Variants in PACS1 observed in about 807,000 individuals in gnomAD.
The protein encoded by PACS1 is PACS-1.
Under a neutral mutation model 115.0 loss-of-function variants are expected in PACS1, and 24 were observed. The observed-to-expected ratio is 0.21, with a 90% CI of 0.15 to 0.29. The LOEUF (loss-of-function observed/expected upper bound fraction) is 0.29. Ranked by LOEUF, PACS1 falls within the 10% of genes least tolerant of loss-of-function variation. The pLI, the probability that PACS1 is intolerant of heterozygous loss-of-function variation, is 1.00. For synonymous variants in PACS1, 453 were observed against 504.5 expected, an observed-to-expected ratio of 0.90 and a Z score of 1.37; for missense variants, 838 against 1,251.2, an observed-to-expected ratio of 0.67 and a Z score of 4.98.
intron 1 of PACS1, among the ~76,000 whole-genome samples, chr11:66,091,885 T>G (rs1857673109): frequency 6.6e-6 from 1 of 151,952 alleles, no homozygotes; most frequent in Non-Finnish European, 1.5e-5. Flanking sequence ...TATTCCATGG[T>G]GTATATGTGC....
chr11:66,223,829 A>T (rs1855411693), intron 10 of PACS1, among the ~76,000 whole-genome samples: 1 of 152,164 alleles, frequency 6.6e-6, no homozygotes, highest in Non-Finnish European at 1.5e-5. Context: ...TTACAGAAAA[A>T]ATTACTTAGA....
At chr11:66,240,363 G>A (rs1250400381) in intron 21 of PACS1, among the ~76,000 whole-genome samples, 5 of 152,206 alleles carry the variant, frequency 3.3e-5, no homozygotes, top group Admixed American at 2.0e-4. Flanking sequence ...GAGAGCAGGC[G>A]TGGTCAGCGC....
intron 21 of PACS1, chr11:66,241,079 G>A (rs992506831): frequency 3.1e-5 from 5 of 161,684 alleles, no homozygotes; most frequent in South Asian, 1.7e-4. Context: ...GGGCGTGTAT[G>A]TGTGTGTGTG....
chr11:66,158,676 G>A (rs932378210), intron 1 of PACS1, among the ~76,000 whole-genome samples: 1 of 152,128 alleles, frequency 6.6e-6, no homozygotes, highest in Non-Finnish European at 1.5e-5. Context: ...ACTCCAACCT[G>A]GGTGGCAGAG....
In PACS1 at chr11:66,235,753, C is replaced by T; in HGVS notation, c.2208-145C>T. On this transcript the variant is annotated intron_variant, in intron 18 of 23. Coordinates refer to ENST00000320580, the MANE Select transcript of PACS1 (RefSeq NM_018026.4). The surrounding 1 kb of genome is among the most constrained non-coding windows in gnomAD (Gnocchi z 5.6). The stretch of plus-strand genomic sequence containing the variant: ...ATGCACAGCAAGTCCCAGACCTTCC[C>T]CATGCCACCCCAGGATGTGATGGGC... 1.3e-6 allele frequency: 1 copy of T among 776,772 alleles called. No individual in the cohort carries two copies. Among genetic ancestry groups the T allele is most frequent in the Non-Finnish European group, 2.3e-6 (1 of 428,648 alleles). 48.1% of individuals were successfully genotyped at this position (776,772 alleles called of 1,614,324 possible). A position where few individuals can be genotyped will look rare whatever the true frequency, so the allele number is the denominator to read the frequency against.
At chr11:66,093,558 G>T (rs1402468041) in intron 1 of PACS1, among the ~76,000 whole-genome samples, 1 of 144,500 alleles carries the variant, frequency 6.9e-6, no homozygotes, top group African/African-American at 2.6e-5. Flanking sequence ...AGTCCTGAGT[G>T]ACCTACAAAG....
At chr11:66,217,256 G>C (rs1855235220) in intron 7 of PACS1, 1 of 301,664 alleles carries the variant, frequency 3.3e-6, no homozygotes, top group Non-Finnish European at 6.5e-6. Flanking sequence ...TATCGTTCCT[G>C]CCTTAACGGA....
chr11:66,160,149 T>C (rs1859454501), intron 1 of PACS1, among the ~76,000 whole-genome samples: 1 of 152,322 alleles, frequency 6.6e-6, no homozygotes, highest in Admixed American at 6.5e-5. Flanking sequence ...ATTAGCGCAA[T>C]GTGACTGTAA....
intron 1 of PACS1, among the ~76,000 whole-genome samples, chr11:66,176,535 T>C (rs903086401): frequency 2.0e-5 from 3 of 151,830 alleles, no homozygotes; most frequent in Non-Finnish European, 4.4e-5. Context: ...TGCCTCAGCC[T>C]CCCGAATAGC....
intron 2 of PACS1, 34 bp from the exon 3 acceptor site, chr11:66,210,328 A>G: frequency 6.4e-7 from 1 of 1,555,900 alleles, no homozygotes. Flanking sequence ...AAGCCACTGC[A>G]CCTGGCCAAA....
intron 1 of PACS1, among the ~76,000 whole-genome samples, chr11:66,166,802 G>C (rs955678933): frequency 2.7e-5 from 4 of 150,266 alleles, no homozygotes; most frequent in African/African-American, 1.0e-4. Flanking sequence ...AATGGGCCAG[G>C]CAGTGTTCTC....
intron 1 of PACS1, among the ~76,000 whole-genome samples, chr11:66,101,841 C>A (rs141968847): frequency 6.6e-6 from 1 of 152,292 alleles, no homozygotes; most frequent in African/African-American, 2.4e-5. Flanking sequence ...AGCTCTGTCT[C>A]GCTTAGCATC....
chr11:66,095,141 CAG>C (rs1290695074), intron 1 of PACS1, among the ~76,000 whole-genome samples: 2 of 150,844 alleles, frequency 1.3e-5, no homozygotes, highest in African/African-American at 4.9e-5. Context: ...TGGCATAAGA[CAG>C]GGATGCCCTC....
chr11:66,235,268 T>G lies in PACS1; in HGVS notation c.2105-33T>G. ...CTGCAGGTTTGCCAGCTGAAGTCAGTAGGCAGTTAGTGATCTCTTGGCTTT... is the reference window on the plus strand; with the variant it reads ...CTGCAGGTTTGCCAGCTGAAGTCAGGAGGCAGTTAGTGATCTCTTGGCTTT... On this transcript the variant is annotated intron_variant, in intron 17 of 23. Transcript: ENST00000320580. The surrounding 1 kb of genome is among the most constrained non-coding windows in gnomAD (Gnocchi z 5.6). The G allele has an allele frequency of 6.6e-7, 1 of 1,523,324 alleles. No individual in the cohort carries two copies. The allele number at this position is 1,523,324 out of a possible 1,614,324, so 94.4% of individuals were successfully genotyped here. A position where few individuals can be genotyped will look rare whatever the true frequency, so the allele number is the denominator to read the frequency against.
chr11:66,090,874 C>CT (rs1464133434), intron 1 of PACS1, among the ~76,000 whole-genome samples: 2 of 151,994 alleles, frequency 1.3e-5, no homozygotes, highest in Admixed American at 6.5e-5. Context: ...TTGAGAAATC[C>CT]TTGGCCTGTT....
At chr11:66,104,252 A>G (rs1315039410) in intron 1 of PACS1, among the ~76,000 whole-genome samples, 2 of 152,174 alleles carry the variant, frequency 1.3e-5, no homozygotes, top group Admixed American at 1.3e-4. Flanking sequence ...GGGCTGTGGC[A>G]TTGGGCGGAA....
intron 1 of PACS1, among the ~76,000 whole-genome samples, chr11:66,180,361 T>C (rs1859976559): frequency 6.7e-6 from 1 of 149,166 alleles, no homozygotes; most frequent in African/African-American, 2.6e-5. Flanking sequence ...CTTTTTTTTT[T>C]GTGTGTGTGT....
intron 1 of PACS1, among the ~76,000 whole-genome samples, chr11:66,161,191 A>G (rs1316307124): frequency 6.6e-6 from 1 of 152,208 alleles, no homozygotes; most frequent in Non-Finnish European, 1.5e-5. Context: ...GAATATATAT[A>G]TGGCACTCAT....
intron 1 of PACS1, among the ~76,000 whole-genome samples, chr11:66,127,892 G>C (rs1170201561): frequency 6.6e-6 from 1 of 152,206 alleles, no homozygotes; most frequent in Non-Finnish European, 1.5e-5. Context: ...CACCACCTGT[G>C]AAGCAGCCTT....
Sources: gnomAD v4.1 joint callset for allele counts (sites outside exome capture counted in the v4.1 genomes callset) on GRCh38, gnomAD v4.1.1 for gene constraint, Gnocchi (gnomAD v3.1) non-coding constraint, MANE v1.5 for transcripts, NCBI Gene and HGNC (gene_info 2026-07-23, HGNC 2026-07-21) for gene names.